The following FAM3B variants were observed in gnomAD, a reference collection of about 807,000 sequenced individuals.
FAM3B encodes the protein protein FAM3B.
A neutral mutation model predicts 28.4 loss-of-function variants in FAM3B; 29 were observed. That is an observed-to-expected ratio of 1.02 (90% CI 0.76 to 1.39). The LOEUF (loss-of-function observed/expected upper bound fraction) is 1.39, where lower values mean the gene tolerates loss of function less well. FAM3B is among the 40% of genes most tolerant of loss of function. The pLI is 0.00. For synonymous variants in FAM3B, 91 were observed against 103.0 expected (o/e 0.88, Z 0.71); for missense variants, 266 against 293.9 (o/e 0.91, Z 0.69).
chr21:41,321,529 A>T (rs1025060012), intron 1 of FAM3B, among the ~76,000 whole-genome samples: 1 of 152,230 alleles, frequency 6.6e-6, no homozygotes, highest in African/African-American at 2.4e-5. Flanking sequence ...TGCACTGATC[A>T]CACTGCCTTG....
chr21:41,347,158 C>A, intron 6 of FAM3B, 58 bp downstream of exon 6: 1 of 1,432,914 alleles, frequency 7.0e-7, no homozygotes. Context: ...GGGGCAGAGG[C>A]TGCCAGGGTC....
chr21:41,346,889 G>A (rs909836134), intron 5 of FAM3B, 124 bp from the exon 6 acceptor site: 33 of 818,324 alleles, frequency 4.0e-5, no homozygotes, highest in Non-Finnish European at 6.4e-5. Flanking sequence ...GTTGAGCAGC[G>A]AGCGCTGGGA....
At chr21:41,320,800 T>A (rs1052605107) in intron 1 of FAM3B, 3 of 152,252 alleles carry the variant, frequency 2.0e-5, no homozygotes, top group Admixed American at 6.6e-5. Flanking sequence ...CTGAAAAGTG[T>A]CCCGGAAGAG....
At chr21:41,309,460 AT>A (rs746457658) in intron 1 of FAM3B, among the ~76,000 whole-genome samples, 1 of 152,214 alleles carries the variant, frequency 6.6e-6, no homozygotes, top group Non-Finnish European at 1.5e-5. Context: ...GGCCACGAGC[AT>A]CATGATGATG....
At chr21:41,329,963 ATACAG>A (rs142010290) in intron 2 of FAM3B, among the ~76,000 whole-genome samples, 3,618 of 152,310 alleles carry the variant, frequency 0.024, 64 homozygotes, top group Non-Finnish European at 0.04. Context: ...ACTCCAGTAA[ATACAG>A]TAAGATATTT....
intron 2 of FAM3B, among the ~76,000 whole-genome samples, chr21:41,331,441 A>C (rs756092650): frequency 1.8e-4 from 28 of 152,126 alleles, no homozygotes; most frequent in Non-Finnish European, 3.8e-4. Flanking sequence ...TTTTGGCTTG[A>C]TGTAATTCCC....
At chr21:41,344,234 A>G (rs1324089557) in intron 3 of FAM3B, among the ~76,000 whole-genome samples, 2 of 152,258 alleles carry the variant, frequency 1.3e-5, no homozygotes, top group African/African-American at 4.8e-5. Context: ...GATTGAATGC[A>G]GTGTCCAGGT....
chr21:41,327,798 C>T (rs1015779053), intron 2 of FAM3B, among the ~76,000 whole-genome samples: 3 of 152,194 alleles, frequency 2.0e-5, no homozygotes, highest in Non-Finnish European at 4.4e-5. Flanking sequence ...TAAGCTGCTG[C>T]CATACTGTTG....
chr21:41,328,553 G>A (rs114545429), intron 2 of FAM3B, among the ~76,000 whole-genome samples: 1 of 152,016 alleles, frequency 6.6e-6, no homozygotes, highest in African/African-American at 2.4e-5. Flanking sequence ...ACTTTGGCCA[G>A]GCTGGTCTCA....
rs59345837 is a variant in FAM3B, at chr21:41,356,040, T to TACACACAC, written c.619-1030_619-1023dup. 2.8e-3 allele frequency among the ~76,000 whole-genome samples: 341 copies of TACACACAC among 119,948 alleles called. 1 individual carries two copies. Among genetic ancestry groups the TACACACAC allele is most frequent in the Admixed American group, 9.0e-3 (113 of 12,522 alleles). The allele number at this position is 119,948 out of a possible 152,430, so 78.7% of individuals were successfully genotyped here. On this transcript the variant is annotated intron_variant, in intron 7 of 7. Coordinates refer to ENST00000357985, the MANE Select transcript of FAM3B (RefSeq NM_058186.4). Reference sequence around the variant, plus strand: ...ACAAGGACTCTGGGAAAAAAATACATACACACACACACACACACACACACA... The same window carrying TACACACAC: ...ACAAGGACTCTGGGAAAAAAATACATACACACACACACACACACACACACACACACACA...
chr21:41,328,394 CAG>C (rs1479119907), intron 2 of FAM3B, among the ~76,000 whole-genome samples: 1 of 151,960 alleles, frequency 6.6e-6, no homozygotes, highest in African/African-American at 2.4e-5. Flanking sequence ...GTACTAAAGA[CAG>C]AGTGTCCAAA....
At chr21:41,304,443 C>G in intron 1 of FAM3B, 1 of 362,036 alleles carries the variant, frequency 2.8e-6, no homozygotes, top group South Asian at 2.0e-5. Flanking sequence ...CCGGCGGTTT[C>G]CCACGTGCCC....
chr21:41,322,521 A>G (rs778271061), intron 1 of FAM3B: 45 of 702,338 alleles, frequency 6.4e-5, no homozygotes, highest in Admixed American at 2.4e-4. Context: ...GTTTCAATGT[A>G]ATTGCAGGAG....
intron 7 of FAM3B, among the ~76,000 whole-genome samples, chr21:41,356,040 TACACACACACACACACACACACAC>T (rs59345837): frequency 1.7e-5 from 2 of 119,886 alleles, no homozygotes; most frequent in African/African-American, 3.4e-5. Flanking sequence ...AAAAAATACA[TACACACACACACACACACACACAC>T]ACACACACAC....
rs867536169 is a variant in FAM3B at position 41,357,683 on chromosome 21, C to G, written c.*486C>G. Among the ~76,000 whole-genome samples, 1 of 152,190 alleles carries G rather than the reference C, an allele frequency of 6.6e-6. No individual in the cohort carries two copies. Among genetic ancestry groups the G allele is most frequent in the Admixed American group, 6.5e-5 (1 of 15,284 alleles). ...ACTCAACTTGAGCTCTTGAACTCCT[C>G]CTGTGGGCCTGTGAATGTATTCATT... On this transcript the variant is annotated 3_prime_UTR_variant, in exon 8 of 8. Transcript: ENST00000357985.
chr21:41,316,846 C>G lies in FAM3B; in HGVS notation c.-34C>G. The stretch of plus-strand genomic sequence containing the variant: ...GCTGGCTGCGGTCGCCTGGGAGCTG[C>G]CGCCAGGGCCAGGAGGGGAGCGGCA... On this transcript the variant is annotated 5_prime_UTR_variant, in exon 1 of 8. Transcript: ENST00000357985. 1 of 1,436,224 alleles carries G rather than the reference C, an allele frequency of 7.0e-7. No individual in the cohort carries two copies. Among genetic ancestry groups the G allele is most frequent in the Non-Finnish European group, 9.1e-7 (1 of 1,097,840 alleles). 89.0% of individuals were successfully genotyped at this position (1,436,224 alleles called of 1,614,324 possible). A position where few individuals can be genotyped will look rare whatever the true frequency, so the allele number is the denominator to read the frequency against.
chr21:41,354,607 C>A (rs929309962), intron 7 of FAM3B, among the ~76,000 whole-genome samples: 5 of 152,082 alleles, frequency 3.3e-5, no homozygotes, highest in African/African-American at 1.2e-4. Context: ...CACATTCCTA[C>A]TGATAAGTAG....
In FAM3B at chr21:41,345,722, A is replaced by G. The variant is rs1447786833; in HGVS notation, c.383A>G (p.Asp128Gly). ...TGNVTATRCFDMYEGDNSGPM... is the reference protein window; with the variant it reads ...TGNVTATRCFGMYEGDNSGPM... The stretch of plus-strand genomic sequence containing the variant: ...AATGTGACAGCAACACGATGTTTTG[A>G]TATGTATGAAGGTGGTAAGAAAATT... Residue 128 changes from aspartate to glycine, a missense_variant, in exon 5 of 8, where the codon GAT (aspartate) becomes GGT (glycine). Transcript: ENST00000357985. The G allele has an allele frequency of 9.7e-6, 15 of 1,553,694 alleles. 1 individual carries two copies. In the East Asian group the frequency reaches 3.5e-4, roughly 36 times the overall value.
At chr21:41,327,939 G>A (rs541252446) in intron 2 of FAM3B, among the ~76,000 whole-genome samples, 4 of 152,332 alleles carry the variant, frequency 2.6e-5, no homozygotes, top group Admixed American at 6.5e-5. Context: ...CAGTGGGTCC[G>A]TATAGAGGCG....
Sources: gnomAD v4.1 joint callset for allele counts (sites outside exome capture counted in the v4.1 genomes callset) on GRCh38, gnomAD v4.1.1 for gene constraint, MANE v1.5 for transcripts, NCBI Gene and HGNC (gene_info 2026-07-23, HGNC 2026-07-21) for gene names.